CSMD1: variants seen among roughly 807,000 people sequenced by gnomAD.
CSMD1 encodes CUB and sushi domain-containing protein 1.
A neutral mutation model predicts 417.5 loss-of-function variants in CSMD1; 213 were observed. The ratio of observed to expected loss-of-function variants is 0.51; its 90% CI spans 0.46 to 0.57. The LOEUF (loss-of-function observed/expected upper bound fraction) is 0.57, where lower values mean the gene tolerates loss of function less well. CSMD1 is among the 20% of genes least tolerant of loss of function. The pLI is 0.00. For missense variants in CSMD1, 6,923 were observed against 4,529.7 expected, an observed-to-expected ratio of 1.53 and a Z score of -15.17; for synonymous variants, 2,862 against 1,736.8, an observed-to-expected ratio of 1.65 and a Z score of -16.11.
At position 2,954,288 on chromosome 8, in the gene CSMD1, T is replaced by G. The variant is rs1320641575; in HGVS notation, c.9995-20A>C. On this transcript the variant is annotated intron_variant, in intron 64 of 69. Transcript: ENST00000635120. Reference sequence around the variant, plus strand: ...CTTTACCTACAAGTAAAAAGACAAATTATCATTTTAAAAAAAACATTTATT... The same window carrying G: ...CTTTACCTACAAGTAAAAAGACAAAGTATCATTTTAAAAAAAACATTTATT... 7.4e-7 allele frequency: 1 copy of G among 1,353,018 alleles called. No individual in the cohort carries two copies. Among genetic ancestry groups the G allele is most frequent in the Non-Finnish European group, 1.0e-6 (1 of 991,680 alleles). The allele number at this position is 1,353,018 out of a possible 1,614,324, so 83.8% of individuals were successfully genotyped here. A position where few individuals can be genotyped will look rare whatever the true frequency, so the allele number is the denominator to read the frequency against.
At chr8:3,179,147 G>T (rs150890417) in intron 37 of CSMD1, among the ~76,000 whole-genome samples, 21 of 151,158 alleles carry the variant, frequency 1.4e-4, no homozygotes, top group Admixed American at 2.6e-4. Flanking sequence ...GGGTTTCAAC[G>T]TGTTAGCCAG....
intron 5 of CSMD1, among the ~76,000 whole-genome samples, chr8:3,977,143 G>C (rs1346709544): frequency 6.6e-6 from 1 of 152,072 alleles, no homozygotes; most frequent in Non-Finnish European, 1.5e-5. Context: ...CTTTCATGAT[G>C]AACATTTTCT....
intron 3 of CSMD1, among the ~76,000 whole-genome samples, chr8:4,332,944 T>TAAAAA (rs35103998): frequency 0.034 from 4,889 of 143,590 alleles, 110 homozygotes; most frequent in African/African-American, 0.057. Context: ...TATAAAAATC[T>TAAAAA]AAAAAAAAAA....
intron 12 of CSMD1, among the ~76,000 whole-genome samples, chr8:3,454,832 G>A (rs914973489): frequency 2.6e-5 from 4 of 152,110 alleles, no homozygotes; most frequent in African/African-American, 7.2e-5. Flanking sequence ...GGCATTCTCT[G>A]TATTTCCTGA....
rs945750383 is a variant in CSMD1 at position 4,277,825 on chromosome 8, G to A, written c.415+142128C>T. 3.9e-5 allele frequency among the ~76,000 whole-genome samples: 6 copies of A among 152,086 alleles called. 1 individual carries two copies. Among genetic ancestry groups the A allele is most frequent in the African/African-American group, 1.4e-4 (6 of 41,404 alleles). ...TGCAGTCGTATAATCTCGGTTCACT[G>A]CAAGGTCTGCCTCCCTGGTTCACAC... is the stretch of plus-strand genomic sequence containing the variant. On this transcript the variant is annotated intron_variant, in intron 3 of 69. Transcript: ENST00000635120.
chr8:3,454,897 T>C (rs1003433151), intron 12 of CSMD1, among the ~76,000 whole-genome samples: 1 of 152,240 alleles, frequency 6.6e-6, no homozygotes, highest in African/African-American at 2.4e-5. Flanking sequence ...GATAACATCC[T>C]GCAGAGTGTT....
At chr8:4,404,202 T>A (rs1393322290) in intron 3 of CSMD1, among the ~76,000 whole-genome samples, 1 of 152,154 alleles carries the variant, frequency 6.6e-6, no homozygotes, top group African/African-American at 2.4e-5. Context: ...AGCCTGACAA[T>A]CCGTATGCCA....
Position 4,069,908 on chromosome 8 carries a change from T to C in CSMD1, c.416-37809A>G, listed in dbSNP as rs1036853572. On this transcript the variant is annotated intron_variant, in intron 3 of 69. Coordinates refer to ENST00000635120, the MANE Select transcript of CSMD1 (RefSeq NM_033225.6). ...TTTGTTTTGTTTTGTTTTGTTTTTG[T>C]TTTTTACCACTTTGTATAAAATTGC... 6.6e-5 allele frequency among the ~76,000 whole-genome samples: 10 copies of C among 152,318 alleles called. No individual in the cohort carries two copies. The South Asian group carries it at 1.5e-3, about 22-fold the overall frequency.
At chr8:3,440,765 C>G (rs965400883) in intron 12 of CSMD1, among the ~76,000 whole-genome samples, 1 of 152,102 alleles carries the variant, frequency 6.6e-6, no homozygotes, top group East Asian at 1.9e-4. Flanking sequence ...AAGGTTAATT[C>G]TAAGTGTTTT....
At chr8:3,551,973 G>T (rs1798935120) in intron 10 of CSMD1, among the ~76,000 whole-genome samples, 1 of 152,166 alleles carries the variant, frequency 6.6e-6, no homozygotes, top group Admixed American at 6.6e-5. Flanking sequence ...GCTGAGGACT[G>T]ATAGGGATCT....
intron 2 of CSMD1, among the ~76,000 whole-genome samples, chr8:4,585,466 C>T (rs746377147): frequency 1.8e-4 from 28 of 151,978 alleles, no homozygotes; most frequent in Middle Eastern, 3.2e-3. Context: ...ATAACATTTC[C>T]TCATAAGGAG....
intron 5 of CSMD1, among the ~76,000 whole-genome samples, chr8:3,849,864 G>A (rs1803774370): frequency 6.6e-6 from 1 of 152,170 alleles, no homozygotes; most frequent in South Asian, 2.1e-4. Context: ...CGCCCAGGCT[G>A]TAGTACAGTG....
At chr8:4,500,948 TG>T (rs1802230674) in intron 2 of CSMD1, among the ~76,000 whole-genome samples, 1 of 152,150 alleles carries the variant, frequency 6.6e-6, no homozygotes, top group Non-Finnish European at 1.5e-5. Context: ...CGAGTACCCT[TG>T]TTTTTGACCC....
At chr8:3,991,089 G>A (rs1309101450) in intron 5 of CSMD1, among the ~76,000 whole-genome samples, 1 of 152,176 alleles carries the variant, frequency 6.6e-6, no homozygotes, top group Non-Finnish European at 1.5e-5. Flanking sequence ...CTGCCCAGCG[G>A]CTTCATCCCT....
intron 5 of CSMD1, among the ~76,000 whole-genome samples, chr8:3,952,237 G>C (rs1585023050): frequency 1.3e-5 from 2 of 152,062 alleles, no homozygotes; most frequent in Admixed American, 1.3e-4. Flanking sequence ...AAGATGGTAT[G>C]GGCCTTCCTC....
At chr8:3,355,564 T>C (rs945904920) in intron 21 of CSMD1, among the ~76,000 whole-genome samples, 3 of 152,166 alleles carry the variant, frequency 2.0e-5, no homozygotes, top group African/African-American at 7.2e-5. Flanking sequence ...GACTTGTACA[T>C]AAGCGATCTT....
chr8:4,397,523 CTTTTTTTTTTT>C lies in CSMD1; in HGVS notation c.415+22419_415+22429del, dbSNP rs57745028. ...GAGCAATGTCAACAAGCCTGAGACT[CTTTTTTTTTTT>C]TTTTTTTTTTTTTTTTTTGAGACGG... On this transcript the variant is annotated intron_variant, in intron 3 of 69. Transcript: ENST00000635120. 1.4e-3 allele frequency among the ~76,000 whole-genome samples: 86 copies of C among 59,954 alleles called. No individual in the cohort carries two copies. The Middle Eastern group carries it at 0.047, about 33-fold the overall frequency. 39.3% of individuals were successfully genotyped at this position (59,954 alleles called of 152,430 possible).
At chr8:3,087,375 CT>C in intron 48 of CSMD1, 90 bp from the exon 49 acceptor site, 1 of 1,310,564 alleles carries the variant, frequency 7.6e-7, no homozygotes, top group Non-Finnish European at 1.1e-6. Flanking sequence ...AAATGAATGG[CT>C]TCTCATTTCC....
intron 1 of CSMD1, among the ~76,000 whole-genome samples, chr8:4,818,017 A>G (rs1466152080): frequency 6.6e-6 from 1 of 152,200 alleles, no homozygotes; most frequent in African/African-American, 2.4e-5. Flanking sequence ...AATAAGGTTC[A>G]GTCAGCGTCA....
Sources: gnomAD v4.1 joint callset for allele counts (sites outside exome capture counted in the v4.1 genomes callset) on GRCh38, gnomAD v4.1.1 for gene constraint, MANE v1.5 for transcripts, NCBI Gene and HGNC (gene_info 2026-07-23, HGNC 2026-07-21) for gene names.